The following LINGO2 variants were observed in gnomAD, a reference collection of about 807,000 sequenced individuals.
LINGO2 encodes leucine-rich repeat and immunoglobulin-like domain-containing nogo receptor-interacting protein 2.
In LINGO2, 14 loss-of-function variants were observed where a neutral mutation model predicts 30.6. The observed-to-expected ratio is 0.46, with a 90% CI of 0.30 to 0.72. The LOEUF is 0.72. LINGO2 is among the 30% of genes least tolerant of loss of function. The pLI is 0.07. For synonymous variants in LINGO2, 317 were observed against 288.5 expected, an observed-to-expected ratio of 1.10 and a Z score of -1.00; for missense variants, 729 against 751.7, an observed-to-expected ratio of 0.97 and a Z score of 0.35.
intron 1 of LINGO2, among the ~76,000 whole-genome samples, chr9:28,589,674 A>G (rs1563846787): frequency 6.6e-6 from 1 of 152,104 alleles, no homozygotes; most frequent in Non-Finnish European, 1.5e-5. Flanking sequence ...ATGGAAGAAC[A>G]TTCCATGCTC....
intron 4 of LINGO2, among the ~76,000 whole-genome samples, chr9:28,030,466 G>T (rs1056674513): frequency 1.3e-5 from 2 of 152,180 alleles, no homozygotes; most frequent in African/African-American, 4.8e-5. Context: ...GTATCACAAA[G>T]ATGAAATTTT....
At chr9:28,814,099 G>A in the LINGO2 span, among the ~76,000 whole-genome samples, 13 of 152,150 alleles carry the variant, frequency 8.5e-5, no homozygotes, top group African/African-American at 3.1e-4. Flanking sequence ...TGGCACATGA[G>A]CTTATATATG....
intron 5 of LINGO2, among the ~76,000 whole-genome samples, chr9:27,987,566 G>A (rs1821183743): frequency 1.3e-5 from 2 of 151,828 alleles, no homozygotes; most frequent in African/African-American, 4.8e-5. Context: ...CAAGATATTT[G>A]GTTTGAAGAC....
At chr9:28,493,570 T>C (rs541911844) in intron 1 of LINGO2, among the ~76,000 whole-genome samples, 1 of 152,286 alleles carries the variant, frequency 6.6e-6, no homozygotes, top group South Asian at 2.1e-4. Context: ...ATATGTTATT[T>C]GAAAAATCAT....
At chr9:28,396,431 G>T (rs144719285) in intron 2 of LINGO2, among the ~76,000 whole-genome samples, 2 of 152,074 alleles carry the variant, frequency 1.3e-5, no homozygotes, top group South Asian at 2.1e-4. Flanking sequence ...TAGGCCGGGC[G>T]CAGTGGCTCA....
chr9:28,275,087 G>C (rs761189110), intron 4 of LINGO2, among the ~76,000 whole-genome samples: 9 of 151,606 alleles, frequency 5.9e-5, no homozygotes, highest in Non-Finnish European at 1.2e-4. Flanking sequence ...GTTTTGTTTT[G>C]GGACAGAGTC....
intron 4 of LINGO2, among the ~76,000 whole-genome samples, chr9:28,131,414 T>A (rs1017087526): frequency 7.9e-5 from 12 of 152,174 alleles, no homozygotes; most frequent in Non-Finnish European, 1.5e-4. Flanking sequence ...GCACTTGGCT[T>A]ATCACTGGCA....
the LINGO2 span, among the ~76,000 whole-genome samples, chr9:29,160,117 G>GC: frequency 6.6e-6 from 1 of 152,140 alleles, no homozygotes; most frequent in Non-Finnish European, 1.5e-5. Context: ...AGATTGCTGG[G>GC]CCCCCACCTC....
chr9:28,300,124 TGGA>T (rs1373164538), intron 3 of LINGO2, among the ~76,000 whole-genome samples: 1 of 52,188 alleles, frequency 1.9e-5, no homozygotes, highest in Non-Finnish European at 3.5e-5. Flanking sequence ...ATTTTTCTAA[TGGA>T]AAAAAAAAAA....
chr9:29,145,674 T>C, the LINGO2 span, among the ~76,000 whole-genome samples: 1 of 152,186 alleles, frequency 6.6e-6, no homozygotes, highest in African/African-American at 2.4e-5. Context: ...TTTCAAAACC[T>C]GTTTCTTCAG....
intron 1 of LINGO2, among the ~76,000 whole-genome samples, chr9:28,659,623 AT>A (rs1288592941): frequency 3.3e-5 from 5 of 151,798 alleles, no homozygotes; most frequent in Admixed American, 6.6e-5. Flanking sequence ...ATTTTTTTGT[AT>A]TTTTTGTAGA....
the LINGO2 span, among the ~76,000 whole-genome samples, chr9:28,787,834 G>T: frequency 2.0e-5 from 3 of 151,864 alleles, no homozygotes; most frequent in South Asian, 6.2e-4. Context: ...CTAATGATTG[G>T]CATATATTTT....
intron 2 of LINGO2, among the ~76,000 whole-genome samples, chr9:28,411,535 G>A (rs1252202136): frequency 1.3e-5 from 2 of 151,932 alleles, no homozygotes; most frequent in African/African-American, 4.8e-5. Flanking sequence ...CCACCATTCT[G>A]CTCTCTGTGT....
chr9:28,337,102 A>G (rs1344983544), intron 3 of LINGO2, among the ~76,000 whole-genome samples: 1 of 149,442 alleles, frequency 6.7e-6, no homozygotes, highest in African/African-American at 2.4e-5. Context: ...TAAATATTAT[A>G]TATATAGAAT....
chr9:28,575,683 C>T (rs1488567918), intron 1 of LINGO2, among the ~76,000 whole-genome samples: 2 of 151,946 alleles, frequency 1.3e-5, no homozygotes, highest in South Asian at 2.1e-4. Flanking sequence ...ACACAATACA[C>T]CTGAAACTAA....
intron 3 of LINGO2, among the ~76,000 whole-genome samples, chr9:28,310,886 A>C (rs1318355470): frequency 6.6e-6 from 1 of 152,190 alleles, no homozygotes; most frequent in African/African-American, 2.4e-5. Context: ...TGAGCACAGA[A>C]ACTCACATCA....
intron 5 of LINGO2, among the ~76,000 whole-genome samples, chr9:27,995,605 T>A (rs1034800733): frequency 2.0e-5 from 3 of 152,156 alleles, no homozygotes; most frequent in Non-Finnish European, 4.4e-5. Flanking sequence ...ACAAAAGCCA[T>A]ATGATTATTT....
chr9:28,401,247 T>G (rs1289899033), intron 2 of LINGO2, among the ~76,000 whole-genome samples: 2 of 152,092 alleles, frequency 1.3e-5, no homozygotes, highest in African/African-American at 4.8e-5. Flanking sequence ...CCATGCTGGT[T>G]TGCTGCACCT....
chr9:29,185,329 T>C, the LINGO2 span, among the ~76,000 whole-genome samples: 1 of 152,110 alleles, frequency 6.6e-6, no homozygotes, highest in East Asian at 1.9e-4. Context: ...ATTCCACCCC[T>C]TGATAGGAAA....
Sources: allele counts gnomAD v4.1 joint callset (sites outside exome capture counted in the v4.1 genomes callset), GRCh38; gene constraint gnomAD v4.1.1; transcripts MANE v1.5; gene names NCBI Gene and HGNC (gene_info 2026-07-23, HGNC 2026-07-21).